The following PPM1G variants were observed in gnomAD, a reference collection of about 807,000 sequenced individuals.
PPM1G encodes the protein protein phosphatase 1G.
A neutral mutation model predicts 59.4 loss-of-function variants in PPM1G; 12 were observed. The observed-to-expected ratio is 0.20, with a 90% CI of 0.13 to 0.33. PPM1G has a LOEUF of 0.33. PPM1G is among the 10% of genes least tolerant of loss of function. The probability of loss-of-function intolerance (pLI) is 1.00; values close to 1 mark genes in which losing one functional copy is unlikely to be tolerated. For synonymous variants in PPM1G, 245 were observed against 251.9 expected (o/e 0.97, Z 0.26); for missense variants, 392 against 681.3 (o/e 0.58, Z 4.73).
intron 1 of PPM1G, among the ~76,000 whole-genome samples, chr2:27,401,948 C>T (rs550062107): frequency 1.0e-3 from 159 of 152,180 alleles, no homozygotes; most frequent in Non-Finnish European, 1.7e-3. Context: ...AGTTCATATA[C>T]TGTATGGTAT....
At chr2:27,397,510 CA>C (rs923415326) in intron 1 of PPM1G, among the ~76,000 whole-genome samples, 1 of 151,800 alleles carries the variant, frequency 6.6e-6, no homozygotes, top group Non-Finnish European at 1.5e-5. Context: ...ACTTATACAC[CA>C]AAAAAATGCA....
intron 1 of PPM1G, among the ~76,000 whole-genome samples, chr2:27,393,719 G>GGA (rs1357251788): frequency 6.6e-6 from 1 of 151,968 alleles, no homozygotes; most frequent in Non-Finnish European, 1.5e-5. Context: ...CGAGTAGCTG[G>GGA]GAGTACAGGT....
At chr2:27,398,614 G>A (rs1034417785) in intron 1 of PPM1G, among the ~76,000 whole-genome samples, 1 of 151,616 alleles carries the variant, frequency 6.6e-6, no homozygotes, top group African/African-American at 2.4e-5. Context: ...ACGAGGTCAA[G>A]AGATCGAGAC....
Position 27,383,669 on chromosome 2 carries a change from C to T in PPM1G, c.967-69G>A, listed in dbSNP as rs896748348. 7.7e-6 allele frequency: 11 copies of T among 1,433,648 alleles called. No homozygotes were observed. The highest frequency in any genetic ancestry group is 4.1e-5 in the Admixed American group (2 of 48,758). 88.8% of individuals were successfully genotyped at this position (1,433,648 alleles called of 1,614,324 possible). ...CGTTCCTCACTGATGTGCTCCTGAT[C>T]GTTCACCTATGCTTGCTTTCACTGG... On this transcript the variant is annotated intron_variant, in intron 6 of 9. Transcript: ENST00000344034. This position sits in a 1 kb window ranked among gnomAD's most constrained non-coding sequence, Gnocchi z 5.0.
intron 1 of PPM1G, among the ~76,000 whole-genome samples, chr2:27,390,840 ACCT>A (rs1205777973): frequency 3.0e-5 from 2 of 65,752 alleles, no homozygotes; most frequent in Non-Finnish European, 6.1e-5. Context: ...CCGCACCACC[ACCT>A]CTAGTAGACC....
At chr2:27,395,642 A>G (rs1161118787) in intron 1 of PPM1G, among the ~76,000 whole-genome samples, 6 of 152,072 alleles carry the variant, frequency 3.9e-5, no homozygotes, top group Non-Finnish European at 8.8e-5. Flanking sequence ...CAGAAGTTCA[A>G]GACCAGCCTG....
At position 27,385,566 on chromosome 2, in the gene PPM1G, G is replaced by A. The variant is rs1303812688; in HGVS notation, c.409+181C>T. 2 of 738,266 alleles carry A rather than the reference G, an allele frequency of 2.7e-6. No individual in the cohort carries two copies. Among genetic ancestry groups the A allele is most frequent in the Admixed American group, 3.2e-5 (1 of 31,072 alleles). The allele number at this position is 738,266 out of a possible 1,614,324, so 45.7% of individuals were successfully genotyped here. A position where few individuals can be genotyped will look rare whatever the true frequency, so the allele number is the denominator to read the frequency against. Reference sequence around the variant, plus strand: ...GCTTACAGCTCAGATGCCACTCAACGAAGATAATTCTCTCCCTCCTTTTCA... The same window carrying A: ...GCTTACAGCTCAGATGCCACTCAACAAAGATAATTCTCTCCCTCCTTTTCA... On this transcript the variant is annotated intron_variant, in intron 4 of 9. Transcript: ENST00000344034. This position sits in a 1 kb window ranked among gnomAD's most constrained non-coding sequence, Gnocchi z 4.1.
chr2:27,388,881 A>G (rs1450291673), intron 1 of PPM1G, among the ~76,000 whole-genome samples: 1 of 152,190 alleles, frequency 6.6e-6, no homozygotes, highest in Admixed American at 6.6e-5. Flanking sequence ...TCTCAAAAAA[A>G]AAAAAAAAAA....
chr2:27,395,562 G>A (rs1031056054), intron 1 of PPM1G, among the ~76,000 whole-genome samples: 4 of 151,912 alleles, frequency 2.6e-5, no homozygotes, highest in Non-Finnish European at 1.5e-5. Context: ...AACAAAACTG[G>A]TTGGGCATGT....
At chr2:27,401,514 G>A (rs184449911) in intron 1 of PPM1G, among the ~76,000 whole-genome samples, 2 of 152,316 alleles carry the variant, frequency 1.3e-5, no homozygotes, top group East Asian at 3.9e-4. Flanking sequence ...GGTGACAGTT[G>A]TACAACTCTG....
At position 27,382,082 on chromosome 2, in the gene PPM1G, G is replaced by A; in HGVS notation, c.1434+44C>T. The A allele has an allele frequency of 6.4e-7, 1 of 1,557,486 alleles. No homozygotes were observed. On this transcript the variant is annotated intron_variant, in intron 9 of 9. Transcript: ENST00000344034. The surrounding 1 kb of genome is among the most constrained non-coding windows in gnomAD (Gnocchi z 4.2). ...GCTCAGATTAAAAGAGTGAACCCTG[G>A]CTGTGCAGACCAGACACCCTCTCTT...
chr2:27,395,233 C>CAAAAA (rs775943242), intron 1 of PPM1G, among the ~76,000 whole-genome samples: 4 of 89,516 alleles, frequency 4.5e-5, no homozygotes, highest in African/African-American at 1.3e-4. Flanking sequence ...GACTCTGTCT[C>CAAAAA]AAAAAAAAAA....
At position 27,382,284 on chromosome 2, in the gene PPM1G, A is replaced by G; in HGVS notation, c.1332-56T>C. 1 of 1,583,342 alleles carries G rather than the reference A, an allele frequency of 6.3e-7. No individual in the cohort carries two copies. Among genetic ancestry groups the G allele is most frequent in the East Asian group, 2.2e-5 (1 of 44,714 alleles). Reference sequence around the variant, plus strand: ...CAGTCTCACTAAGGCAGCGTAGAGGAGTATGGACAGAGGTGGTGGCCCAGG... The same window carrying G: ...CAGTCTCACTAAGGCAGCGTAGAGGGGTATGGACAGAGGTGGTGGCCCAGG... On this transcript the variant is annotated intron_variant, in intron 8 of 9. Coordinates refer to ENST00000344034, the MANE Select transcript of PPM1G (RefSeq NM_177983.3). This position sits in a 1 kb window ranked among gnomAD's most constrained non-coding sequence, Gnocchi z 4.2.
At position 27,387,128 on chromosome 2, in the gene PPM1G, T is replaced by C. The variant is rs1683783032; in HGVS notation, c.151A>G (p.Ser51Gly). The change falls in exon 2 of 10, where the codon AGT (serine) becomes GGT (glycine). Residue 51 changes from serine (S) to glycine (G), a missense_variant. This residue lies in a region of PPM1G where 68 missense variants were observed against 145.9 expected (regional missense o/e 0.47). Transcript: ENST00000344034. ...TAGACAGAAAACATGGCTGTCTCAC[T>C]GTCCAGCTCAGGAATACAGTTGTGA... is the stretch of plus-strand genomic sequence containing the variant. ...DAHNCIPELD[S>G]ETAMFSVYDG... 3 of 1,613,412 alleles carry C rather than the reference T, an allele frequency of 1.9e-6. No individual in the cohort carries two copies. Among genetic ancestry groups the C allele is most frequent in the South Asian group, 1.1e-5 (1 of 91,068 alleles).
chr2:27,388,719 C>CA (rs974877103), intron 1 of PPM1G, among the ~76,000 whole-genome samples: 1 of 151,474 alleles, frequency 6.6e-6, no homozygotes, highest in African/African-American at 2.4e-5. Flanking sequence ...ACTAAAAATA[C>CA]AAAAAATTAG....
At chr2:27,398,904 G>A (rs1684117132) in intron 1 of PPM1G, among the ~76,000 whole-genome samples, 1 of 152,026 alleles carries the variant, frequency 6.6e-6, no homozygotes, top group Non-Finnish European at 1.5e-5. Flanking sequence ...CAGCACTTTG[G>A]GAGGCTGAGG....
At chr2:27,401,903 T>C (rs888558223) in intron 1 of PPM1G, among the ~76,000 whole-genome samples, 3 of 152,098 alleles carry the variant, frequency 2.0e-5, no homozygotes, top group African/African-American at 7.2e-5. Flanking sequence ...GAATGAATTA[T>C]ACCCTTAAAC....
intron 1 of PPM1G, among the ~76,000 whole-genome samples, chr2:27,391,224 T>C (rs943614765): frequency 3.9e-5 from 6 of 152,238 alleles, no homozygotes; most frequent in African/African-American, 1.4e-4. Context: ...CTGGGTCTAA[T>C]GGTAGTTCCA....
chr2:27,393,235 C>T (rs1476786369), intron 1 of PPM1G: 1 of 1,570,522 alleles, frequency 6.4e-7, no homozygotes, highest in South Asian at 1.1e-5. Flanking sequence ...GCCACATCAT[C>T]GCTGTCAAAG....
Sources: gnomAD v4.1 joint callset for allele counts (sites outside exome capture counted in the v4.1 genomes callset) on GRCh38, gnomAD v4.1.1 for gene constraint, gnomAD v4.1.1 regional missense constraint, Gnocchi (gnomAD v3.1) non-coding constraint, MANE v1.5 for transcripts, NCBI Gene and HGNC (gene_info 2026-07-23, HGNC 2026-07-21) for gene names.